The following ATXN7L1 variants were observed in gnomAD, a reference collection of about 807,000 sequenced individuals.
ATXN7L1 encodes the protein ataxin-7-like protein 1.
Under a neutral mutation model 70.8 loss-of-function variants are expected in ATXN7L1, and 15 were observed. That is an observed-to-expected ratio of 0.21 (90% CI 0.14 to 0.33). ATXN7L1 has a LOEUF of 0.33. Among genes scored for constraint, ATXN7L1 ranks in the 10% least tolerant of loss-of-function variants. The pLI is 1.00. For synonymous variants in ATXN7L1, 440 were observed against 445.1 expected (o/e 0.99, Z 0.14); for missense variants, 975 against 1,097.1 (o/e 0.89, Z 1.57).
chr7:105,856,521 G>T (rs914970945), intron 2 of ATXN7L1, among the ~76,000 whole-genome samples: 3 of 149,058 alleles, frequency 2.0e-5, no homozygotes, highest in African/African-American at 7.4e-5. Flanking sequence ...GGGAGGTGGA[G>T]ACTGCAGTGA....
chr7:105,621,829 T>A (rs1217175146), intron 8 of ATXN7L1, among the ~76,000 whole-genome samples: 2 of 152,196 alleles, frequency 1.3e-5, no homozygotes, highest in African/African-American at 4.8e-5. Flanking sequence ...GGAACCAGAC[T>A]TTGGAACAAC....
intron 3 of ATXN7L1, among the ~76,000 whole-genome samples, chr7:105,672,548 G>A (rs564800655): frequency 7.2e-5 from 11 of 152,260 alleles, no homozygotes; most frequent in African/African-American, 2.6e-4. Flanking sequence ...AAGTGATTTA[G>A]AATTATTTCC....
intron 2 of ATXN7L1, among the ~76,000 whole-genome samples, chr7:105,862,424 G>A (rs1281312921): frequency 6.6e-6 from 1 of 152,152 alleles, no homozygotes; most frequent in Non-Finnish European, 1.5e-5. Flanking sequence ...GGGCGACCGA[G>A]CTACTGCCCC....
At chr7:105,656,497 T>C (rs1800656903) in intron 4 of ATXN7L1, among the ~76,000 whole-genome samples, 1 of 151,796 alleles carries the variant, frequency 6.6e-6, no homozygotes, top group Non-Finnish European at 1.5e-5. Context: ...CTGGGCAGCC[T>C]GTGGGTGCTG....
In ATXN7L1 at chr7:105,624,123, G is replaced by C. The variant is rs373239207; in HGVS notation, c.1347C>G (p.Ser449=). The change falls in exon 8 of 12, where the codon TCC becomes TCG. Residue 449 remains serine (S), a synonymous_variant. Coordinates refer to ENST00000419735, the MANE Select transcript of ATXN7L1 (RefSeq NM_020725.2). The part of the protein sequence containing the change: ...DEGEMDGADE[S]EKLDCQFSTH... ...TGGAGAACTGACAGTCTAGCTTCTC[G>C]GATTCGTCGGCTCCGTCCATCTCCC... 2.0e-6 allele frequency: 3 copies of C among 1,519,532 alleles called. No individual in the cohort carries two copies. The East Asian group carries it at 7.7e-5, about 39-fold the overall frequency. 94.1% of individuals were successfully genotyped at this position (1,519,532 alleles called of 1,614,324 possible). A position where few individuals can be genotyped will look rare whatever the true frequency, so the allele number is the denominator to read the frequency against.
intron 7 of ATXN7L1, among the ~76,000 whole-genome samples, chr7:105,634,800 CG>C (rs1262018678): frequency 6.6e-6 from 1 of 151,848 alleles, no homozygotes; most frequent in Non-Finnish European, 1.5e-5. Context: ...GAGAATAAGG[CG>C]GGGTGCAGCA....
intron 9 of ATXN7L1, among the ~76,000 whole-genome samples, chr7:105,619,553 T>A (rs1275101423): frequency 8.0e-3 from 453 of 56,462 alleles, no homozygotes; most frequent in Non-Finnish European, 0.014. Flanking sequence ...TTTTTTTTTT[T>A]TTTTTTTTTT....
intron 4 of ATXN7L1, among the ~76,000 whole-genome samples, chr7:105,646,943 T>C (rs1799135285): frequency 6.7e-6 from 1 of 150,276 alleles, no homozygotes; most frequent in Non-Finnish European, 1.5e-5. Flanking sequence ...GACCCTGTCT[T>C]GGAAAAAAAA....
chr7:105,816,360 T>C (rs978593174), intron 2 of ATXN7L1, among the ~76,000 whole-genome samples: 3 of 152,176 alleles, frequency 2.0e-5, no homozygotes, highest in African/African-American at 4.8e-5. Context: ...TAATGAGGAA[T>C]GCACTGCCTT....
chr7:105,828,335 G>A (rs1811148011), intron 2 of ATXN7L1, among the ~76,000 whole-genome samples: 1 of 152,192 alleles, frequency 6.6e-6, no homozygotes, highest in Non-Finnish European at 1.5e-5. Flanking sequence ...TGACATCAAT[G>A]CTTCCCATCC....
At chr7:105,784,435 AACAC>A (rs10667714) in intron 3 of ATXN7L1, among the ~76,000 whole-genome samples, 2 of 149,614 alleles carry the variant, frequency 1.3e-5, no homozygotes, top group African/African-American at 2.5e-5. Context: ...TGACTGGCTA[AACAC>A]ACACACACAC....
At chr7:105,665,408 A>C in intron 3 of ATXN7L1, 120 bp from the exon 4 acceptor site, 1 of 758,102 alleles carries the variant, frequency 1.3e-6, no homozygotes, top group Non-Finnish European at 2.2e-6. Flanking sequence ...CAGCACTGGC[A>C]TTCCTGAAGC....
intron 4 of ATXN7L1, among the ~76,000 whole-genome samples, chr7:105,646,502 C>T (rs1319879175): frequency 3.3e-5 from 5 of 152,128 alleles, no homozygotes; most frequent in East Asian, 1.9e-4. Context: ...ACTGCAACCT[C>T]GGCCTCTTGG....
At chr7:105,725,075 C>T (rs868743596) in intron 3 of ATXN7L1, among the ~76,000 whole-genome samples, 23 of 152,112 alleles carry the variant, frequency 1.5e-4, no homozygotes, top group African/African-American at 5.3e-4. Flanking sequence ...CATATGCAGA[C>T]CCTAGTTACA....
At chr7:105,641,756 T>C (rs542854834) in intron 5 of ATXN7L1, among the ~76,000 whole-genome samples, 1 of 152,246 alleles carries the variant, frequency 6.6e-6, no homozygotes, top group Non-Finnish European at 1.5e-5. Context: ...GGCTCTACCT[T>C]TCTTTCTTGA....
In ATXN7L1 at chr7:105,614,845, T is replaced by C; in HGVS notation, c.1518-29A>G. The C allele has an allele frequency of 1.3e-6, 2 of 1,529,280 alleles. No individual in the cohort carries two copies. Among genetic ancestry groups the C allele is most frequent in the Non-Finnish European group, 1.8e-6 (2 of 1,133,742 alleles). 94.7% of individuals were successfully genotyped at this position (1,529,280 alleles called of 1,614,324 possible). On this transcript the variant is annotated intron_variant, in intron 9 of 11. Coordinates refer to ENST00000419735, the MANE Select transcript of ATXN7L1 (RefSeq NM_020725.2). The surrounding 1 kb of genome is among the most constrained non-coding windows in gnomAD (Gnocchi z 4.3). ...AACATGAGAGAAGAGTGAAAGAGAA[T>C]CAGTGAGACATCGGGTTGGCATTGC...
chr7:105,750,756 T>C (rs1208513036), intron 3 of ATXN7L1, among the ~76,000 whole-genome samples: 1 of 152,096 alleles, frequency 6.6e-6, no homozygotes, highest in Non-Finnish European at 1.5e-5. Context: ...TGAGCCAAGA[T>C]TGCGCCATTG....
At chr7:105,680,554 T>A (rs1048856493) in intron 3 of ATXN7L1, among the ~76,000 whole-genome samples, 1 of 152,002 alleles carries the variant, frequency 6.6e-6, no homozygotes, top group African/African-American at 2.4e-5. Flanking sequence ...GTTGAGGGGG[T>A]ATAAACTGAC....
At chr7:105,733,535 C>T (rs112403632) in intron 3 of ATXN7L1, among the ~76,000 whole-genome samples, 1 of 137,182 alleles carries the variant, frequency 7.3e-6, no homozygotes, top group African/African-American at 2.8e-5. Flanking sequence ...TCCATCCATC[C>T]ATCCACCCAT....
Sources: gnomAD v4.1 joint callset for allele counts (sites outside exome capture counted in the v4.1 genomes callset) on GRCh38, gnomAD v4.1.1 for gene constraint, Gnocchi (gnomAD v3.1) non-coding constraint, MANE v1.5 for transcripts, NCBI Gene and HGNC (gene_info 2026-07-23, HGNC 2026-07-21) for gene names.